GLB1: variants seen among roughly 807,000 people sequenced by gnomAD.
GLB1 encodes galactosidase beta 1.
In GLB1, 56 loss-of-function variants were observed where a neutral mutation model predicts 74.0. The ratio of observed to expected loss-of-function variants is 0.76; its 90% CI spans 0.61 to 0.94. The LOEUF is 0.94. GLB1 is among the 40% of genes least tolerant of loss of function. GLB1 has a pLI of 0.00. For synonymous variants in GLB1, 323 were observed against 323.6 expected (o/e 1.00, Z 0.02); for missense variants, 787 against 845.5 (o/e 0.93, Z 0.86).
At chr3:33,056,719 T>C (rs911350358) in intron 6 of GLB1, among the ~76,000 whole-genome samples, 1 of 152,194 alleles carries the variant, frequency 6.6e-6, no homozygotes, top group Non-Finnish European at 1.5e-5. Context: ...TCTATAAAAA[T>C]ATACATTTTT....
the GLB1 span, among the ~76,000 whole-genome samples, chr3:32,989,031 C>T: frequency 2.6e-5 from 4 of 152,292 alleles, no homozygotes; most frequent in East Asian, 7.7e-4. Flanking sequence ...ACAGTGACCT[C>T]TGGTCCACTA....
At position 33,022,743 on chromosome 3, in the gene GLB1, A is replaced by G. The variant is rs141847712; in HGVS notation, c.1144-1088T>C. ...CCTGGCTAATTTTTGTATTTTTAGT[A>G]GAGACGGGGTTTCACCATGTTGGCC... is the stretch of plus-strand genomic sequence containing the variant. On this transcript the variant is annotated intron_variant, in intron 11 of 15. Transcript: ENST00000307363. Among the ~76,000 whole-genome samples, 149 of 151,630 alleles carry G rather than the reference A, an allele frequency of 9.8e-4. 1 individual carries two copies. The East Asian group carries it at 0.024, about 25-fold the overall frequency.
chr3:32,973,123 C>T, the GLB1 span, among the ~76,000 whole-genome samples: 2 of 152,164 alleles, frequency 1.3e-5, no homozygotes, highest in East Asian at 1.9e-4. Context: ...ACTCTTTGTT[C>T]GGGGCTTAGT....
chr3:32,985,072 T>A, the GLB1 span, among the ~76,000 whole-genome samples: 5 of 130,076 alleles, frequency 3.8e-5, no homozygotes, highest in Admixed American at 9.0e-5. Flanking sequence ...GCCACTGCAC[T>A]CCAGCCTGGG....
the GLB1 span, among the ~76,000 whole-genome samples, chr3:32,970,030 C>T: frequency 1.3e-5 from 2 of 152,164 alleles, no homozygotes; most frequent in African/African-American, 4.8e-5. Context: ...CATGGCCTTC[C>T]CCACCTGGAC....
chr3:33,093,670 G>A lies in GLB1; in HGVS notation c.75+3341C>T. 1 of 1,614,136 alleles carries A rather than the reference G, an allele frequency of 6.2e-7. No individual in the cohort carries two copies. Among genetic ancestry groups the A allele is most frequent in the Non-Finnish European group, 8.5e-7 (1 of 1,180,016 alleles). On this transcript the variant is annotated intron_variant, in intron 1 of 15. Coordinates refer to ENST00000307363, the MANE Select transcript of GLB1 (RefSeq NM_000404.4). The surrounding 1 kb of genome is among the most constrained non-coding windows in gnomAD (Gnocchi z 6.0). ...GCATTCAGAATCCCGGCCACGCTGAGCACAGCAGTCACTCCCACTGCCAGG... is the reference window on the plus strand; with the variant it reads ...GCATTCAGAATCCCGGCCACGCTGAACACAGCAGTCACTCCCACTGCCAGG...
intron 5 of GLB1, among the ~76,000 whole-genome samples, chr3:33,063,917 G>C (rs1699552980): frequency 6.6e-6 from 1 of 152,034 alleles, no homozygotes; most frequent in South Asian, 2.1e-4. Context: ...GCCTCAGAAC[G>C]GACACCCTGG....
intron 9 of GLB1, among the ~76,000 whole-genome samples, chr3:33,047,530 C>T (rs1450742978): frequency 6.6e-6 from 1 of 152,228 alleles, no homozygotes; most frequent in East Asian, 1.9e-4. Flanking sequence ...CCTTCCTCCT[C>T]TACTTCAGAG....
chr3:33,065,894 G>C (rs533018984), intron 4 of GLB1, among the ~76,000 whole-genome samples: 62 of 152,066 alleles, frequency 4.1e-4, no homozygotes, highest in Middle Eastern at 3.4e-3. Context: ...TTGAACCCGG[G>C]GGGGCGGAGG....
intron 10 of GLB1, among the ~76,000 whole-genome samples, chr3:33,035,552 T>G (rs368745524): frequency 2.8e-4 from 42 of 152,326 alleles, no homozygotes; most frequent in African/African-American, 9.9e-4. Flanking sequence ...TATTATGTGG[T>G]AAGGACTTTG....
intron 13 of GLB1, among the ~76,000 whole-genome samples, chr3:33,017,881 C>T (rs529808454): frequency 1.3e-5 from 2 of 152,166 alleles, no homozygotes; most frequent in South Asian, 2.1e-4. Context: ...GAGAGGGTGG[C>T]GCATCAAGCA....
rs114499494 is a variant in GLB1, at chr3:32,997,615, G to A, written c.1735-271C>T. 6.3e-3 allele frequency among the ~76,000 whole-genome samples: 963 copies of A among 152,248 alleles called. 12 individuals carry two copies. The highest frequency in any genetic ancestry group is 0.022 in the African/African-American group (906 of 41,528). On this transcript the variant is annotated intron_variant, in intron 15 of 15. Transcript: ENST00000307363. ...CCCACTCCTGCTTCAGGAAAATACAGGTTTGGTCCCTCTGACGGGCTTCAG... is the reference window on the plus strand; with the variant it reads ...CCCACTCCTGCTTCAGGAAAATACAAGTTTGGTCCCTCTGACGGGCTTCAG...
intron 1 of GLB1, among the ~76,000 whole-genome samples, chr3:33,074,204 G>A (rs146971913): frequency 6.6e-6 from 1 of 150,798 alleles, no homozygotes; most frequent in East Asian, 2.0e-4. Context: ...TAGCTACTCG[G>A]GAGATTGGGG....
rs890346543 is a variant in GLB1 at position 33,065,670 on chromosome 3, A to C, written c.458-113T>G. 5 of 1,318,986 alleles carry C rather than the reference A, an allele frequency of 3.8e-6. No homozygotes were observed. In the African/African-American group the frequency reaches 4.4e-5, roughly 12 times the overall value. The allele number at this position is 1,318,986 out of a possible 1,614,324, so 81.7% of individuals were successfully genotyped here. ...ACACAAATTCGTAAACTTTTTAAAAACATTCTGAGTTTTCTGGCTGGGTGC... is the reference window on the plus strand; with the variant it reads ...ACACAAATTCGTAAACTTTTTAAAACCATTCTGAGTTTTCTGGCTGGGTGC... On this transcript the variant is annotated intron_variant, in intron 4 of 15. Coordinates refer to ENST00000307363, the MANE Select transcript of GLB1 (RefSeq NM_000404.4).
chr3:33,084,026 G>A (rs1212373973), intron 1 of GLB1, among the ~76,000 whole-genome samples: 1 of 152,172 alleles, frequency 6.6e-6, no homozygotes, highest in African/African-American at 2.4e-5. Flanking sequence ...ATGTGAAGAT[G>A]ATCTGTCTTC....
intron 15 of GLB1, among the ~76,000 whole-genome samples, chr3:33,003,630 A>T (rs1696667430): frequency 6.6e-6 from 1 of 152,240 alleles, no homozygotes; most frequent in African/African-American, 2.4e-5. Flanking sequence ...ACAAAAAAGA[A>T]GTTTAACAAG....
chr3:32,978,857 T>A, the GLB1 span, among the ~76,000 whole-genome samples: 2 of 149,780 alleles, frequency 1.3e-5, no homozygotes, highest in East Asian at 3.9e-4. Context: ...ACGTCTCGGT[T>A]CAGGTGATTC....
chr3:33,053,538 T>G lies in GLB1; in HGVS notation c.745A>C (p.Thr249Pro). 6.2e-7 allele frequency: 1 copy of G among 1,614,120 alleles called. No individual in the cohort carries two copies. The highest frequency in any genetic ancestry group is 8.5e-7 in the Non-Finnish European group (1 of 1,180,018). The change falls in exon 7 of 16, where the codon ACA becomes CCA. Residue 249 changes from threonine to proline, a missense_variant. By Grantham distance (38) the Thr-to-Pro change is conservative. Coordinates refer to ENST00000307363, the MANE Select transcript of GLB1 (RefSeq NM_000404.4). ...TVDFGTGSNI[T>P]DAFLSQRKCE... ...TTCCTCTGGCTTAGGAAAGCATCTG[T>G]GATGTTGCTGCCTGAAAATTGTAAG... is the stretch of plus-strand genomic sequence containing the variant.
chr3:33,027,431 C>G (rs545193734), intron 10 of GLB1, among the ~76,000 whole-genome samples: 4 of 152,356 alleles, frequency 2.6e-5, no homozygotes, highest in Admixed American at 2.0e-4. Flanking sequence ...GCCGAGTGGG[C>G]AGAACGAACC....
Sources: gnomAD v4.1 joint callset for allele counts (sites outside exome capture counted in the v4.1 genomes callset) on GRCh38, gnomAD v4.1.1 for gene constraint, Gnocchi (gnomAD v3.1) non-coding constraint, MANE v1.5 for transcripts, NCBI Gene and HGNC (gene_info 2026-07-23, HGNC 2026-07-21) for gene names.